NPDC1: variants seen among roughly 807,000 people sequenced by gnomAD.
NPDC1 encodes the protein neural proliferation differentiation and control protein 1.
In NPDC1, 18 loss-of-function variants were observed where a neutral mutation model predicts 32.5. That is an observed-to-expected ratio of 0.55 (90% CI 0.38 to 0.82). The LOEUF (loss-of-function observed/expected upper bound fraction) is 0.82, where lower values mean the gene tolerates loss of function less well. Ranked by LOEUF, NPDC1 falls within the 40% of genes least tolerant of loss-of-function variation. The pLI, the probability that NPDC1 is intolerant of heterozygous loss-of-function variation, is 0.00. For synonymous variants in NPDC1, 210 were observed against 184.7 expected, an observed-to-expected ratio of 1.14 and a Z score of -1.11; for missense variants, 468 against 406.6, an observed-to-expected ratio of 1.15 and a Z score of -1.30.
chr9:137,041,246 C>CG, intron 2 of NPDC1, 59 bp from the exon 3 acceptor site: 1 of 1,340,346 alleles, frequency 7.5e-7, no homozygotes, highest in African/African-American at 1.5e-5. Flanking sequence ...GCCCCAGGCC[C>CG]GGCCTCCCCG....
chr9:137,045,458 C>T (rs1407518959), intron 1 of NPDC1, among the ~76,000 whole-genome samples: 3 of 152,216 alleles, frequency 2.0e-5, no homozygotes, highest in South Asian at 2.1e-4. Context: ...GGGACGCGCA[C>T]CGGCAGCGAA....
In NPDC1 at chr9:137,040,547, C is replaced by G. The variant is rs756139256; in HGVS notation, c.675G>C (p.Lys225Asn). 1 of 1,588,626 alleles carries G rather than the reference C, an allele frequency of 6.3e-7. No individual in the cohort carries two copies. The highest frequency in any genetic ancestry group is 8.5e-7 in the Non-Finnish European group (1 of 1,173,292). Reference protein sequence around the residue: ...LTQKADYATAKAPGSPAAPRI... With the variant: ...LTQKADYATANAPGSPAAPRI... ...GGGGAGCTGCAGGTGAGCCAGGGGC[C>G]TTCGCAGTGGCGTAGTCGGCCTTCT... The change falls in exon 6 of 9, where the codon AAG (lysine) becomes AAC (asparagine). Residue 225 changes from lysine (K) to asparagine (N), a missense_variant. Physicochemically the swap from Lys to Asn is moderately conservative, Grantham distance 94. Transcript: ENST00000371601.
chr9:137,042,903 C>T (rs1383628851), intron 2 of NPDC1, 24 bp downstream of exon 2: 22 of 1,572,658 alleles, frequency 1.4e-5, no homozygotes, highest in East Asian at 2.3e-5. Context: ...ATCCCCCCAT[C>T]GACTTCCCCC....
Position 137,043,023 on chromosome 9 carries a change from T to C in NPDC1, c.163A>G (p.Arg55Gly). ...SLDCALKRRA[R>G]CPPGAHACGP... Reference sequence around the variant, plus strand: ...CAGGCATGTGCACCAGGAGGACACCTTGCCCGCCTCTTCAGGGCACAGTCC... The same window carrying C: ...CAGGCATGTGCACCAGGAGGACACCCTGCCCGCCTCTTCAGGGCACAGTCC... Residue 55 changes from arginine (R) to glycine (G), a missense_variant, in exon 2 of 9, where the codon AGG becomes GGG. By Grantham distance (125) the Arg-to-Gly change is moderately radical. Coordinates refer to ENST00000371601, the MANE Select transcript of NPDC1 (RefSeq NM_015392.4). 1.2e-6 allele frequency: 2 copies of C among 1,612,674 alleles called. No homozygotes were observed. Among genetic ancestry groups the C allele is most frequent in the Non-Finnish European group, 1.7e-6 (2 of 1,179,900 alleles).
intron 1 of NPDC1, chr9:137,043,732 G>A (rs974995055): frequency 1.4e-5 from 4 of 283,062 alleles, no homozygotes; most frequent in Non-Finnish European, 2.7e-5. Context: ...TGGCACCCGA[G>A]GGCCTCAGGA....
chr9:137,043,542 A>T (rs113531841), intron 1 of NPDC1: 79 of 600,566 alleles, frequency 1.3e-4, no homozygotes, highest in African/African-American at 1.1e-3. Context: ...GGCTCTCCCC[A>T]GAACCCGGCA....
chr9:137,042,808 TG>T, intron 2 of NPDC1, 118 bp downstream of exon 2: 1 of 1,264,324 alleles, frequency 7.9e-7, no homozygotes, highest in Non-Finnish European at 1.1e-6. Context: ...TCCAACAGCC[TG>T]GGCCTCCCAC....
At chr9:137,045,355 C>T (rs1196535155) in intron 1 of NPDC1, among the ~76,000 whole-genome samples, 1 of 152,270 alleles carries the variant, frequency 6.6e-6, no homozygotes. Context: ...TAAGTGCCCC[C>T]AGAACTTCAG....
At position 137,040,751 on chromosome 9, in the gene NPDC1, C is replaced by G; in HGVS notation, c.557-14G>C. 6.3e-7 allele frequency: 1 copy of G among 1,586,406 alleles called. No homozygotes were observed. Among genetic ancestry groups the G allele is most frequent in the Non-Finnish European group, 8.5e-7 (1 of 1,171,990 alleles). On this transcript the variant is annotated splice_polypyrimidine_tract_variant and intron_variant, in intron 4 of 8. Coordinates refer to ENST00000371601, the MANE Select transcript of NPDC1 (RefSeq NM_015392.4). ...CCAGGATCAGCACTGCAGGAGGGGG[C>G]GTGTGAGGGCGGCCTTCTGCAGGGC...
Position 137,040,742 on chromosome 9 carries a change from A to G in NPDC1, c.557-5T>C, listed in dbSNP as rs1452375145. 2 of 1,588,468 alleles carry G rather than the reference A, an allele frequency of 1.3e-6. No homozygotes were observed. The highest frequency in any genetic ancestry group is 2.3e-5 in the East Asian group (1 of 44,190). ...CACAGAACGCCAGGATCAGCACTGC[A>G]GGAGGGGGCGTGTGAGGGCGGCCTT... On this transcript the variant is annotated splice_region_variant and splice_polypyrimidine_tract_variant and intron_variant, in intron 4 of 8. Transcript: ENST00000371601.
In NPDC1 at chr9:137,039,972, G is replaced by C. The variant is rs752158133; in HGVS notation, c.884C>G (p.Pro295Arg). Residue 295 changes from proline (P) to arginine (R), a missense_variant and splice_region_variant, in exon 8 of 9, where the codon CCG becomes CGG. Coordinates refer to ENST00000371601, the MANE Select transcript of NPDC1 (RefSeq NM_015392.4). ...CTCCCTGCACCCTGAGGCACTCACC[G>C]GGGCCAGGCCCGGGCACTCGTACAC... ...FTVYECPGLA[P>R]TGEMEVRNPL... 1.3e-6 allele frequency: 1 copy of C among 778,964 alleles called. No homozygotes were observed. The highest frequency in any genetic ancestry group is 1.7e-5 in the African/African-American group (1 of 59,108). The allele number at this position is 778,964 out of a possible 1,614,324, so 48.3% of individuals were successfully genotyped here.
intron 7 of NPDC1, 144 bp from the exon 8 acceptor site, chr9:137,040,211 G>A (rs931851552): frequency 5.1e-6 from 4 of 788,472 alleles, no homozygotes; most frequent in Admixed American, 2.1e-5. Context: ...AGGTGAGGGT[G>A]CAGGGCGGCG....
At chr9:137,042,455 C>T (rs1282117732) in intron 2 of NPDC1, among the ~76,000 whole-genome samples, 1 of 151,780 alleles carries the variant, frequency 6.6e-6, no homozygotes, top group Non-Finnish European at 1.5e-5. Context: ...GATGGGGTTT[C>T]ACCGTGTTAG....
rs1005544750 is a variant in NPDC1 at position 137,039,620 on chromosome 9, G to A, written c.*152C>T. ...GGTGTCCTGGCACAAAGGTTCGGGGGTCTCCCTGGCAAGGGGTCCCAGGGC... is the reference window on the plus strand; with the variant it reads ...GGTGTCCTGGCACAAAGGTTCGGGGATCTCCCTGGCAAGGGGTCCCAGGGC... On this transcript the variant is annotated 3_prime_UTR_variant, in exon 9 of 9. Coordinates refer to ENST00000371601, the MANE Select transcript of NPDC1 (RefSeq NM_015392.4). The A allele has an allele frequency of 1.7e-6, 1 of 591,574 alleles. No homozygotes were observed. The highest frequency in any genetic ancestry group is 2.8e-5 in the East Asian group (1 of 35,412). The allele number at this position is 591,574 out of a possible 1,614,324, so 36.6% of individuals were successfully genotyped here. A position where few individuals can be genotyped will look rare whatever the true frequency, so the allele number is the denominator to read the frequency against.
chr9:137,043,366 G>A lies in NPDC1; in HGVS notation c.113-293C>T, dbSNP rs1588549292. The A allele has an allele frequency of 5.6e-6, 4 of 715,598 alleles. No homozygotes were observed. The Admixed American group carries it at 8.0e-5, about 14-fold the overall frequency. 44.3% of individuals were successfully genotyped at this position (715,598 alleles called of 1,614,324 possible). On this transcript the variant is annotated intron_variant, in intron 1 of 8. Transcript: ENST00000371601. ...AGTCTCGCCGTCCAGGCAGTGCTGAGTTCTCCTGGGCAGGGCCGTGCAGCC... is the reference window on the plus strand; with the variant it reads ...AGTCTCGCCGTCCAGGCAGTGCTGAATTCTCCTGGGCAGGGCCGTGCAGCC...
In NPDC1 at chr9:137,045,879, C is replaced by G; in HGVS notation, c.111G>C (p.Pro37=). The change falls in exon 1 of 9, where the codon CCG becomes CCC. Residue 37 remains proline (P), a splice_region_variant and synonymous_variant. Transcript: ENST00000371601. ...AALRGAAAGH[P]DVAACPGSLD... ...CCTGCGCCCAGCGCGCTCGCTCACC[C>G]GGGTGGCCGGCGGCGGCTCCACGCA... 2.8e-6 allele frequency: 3 copies of G among 1,075,570 alleles called. No homozygotes were observed. Among genetic ancestry groups the G allele is most frequent in the Non-Finnish European group, 3.4e-6 (3 of 889,318 alleles). The allele number at this position is 1,075,570 out of a possible 1,614,324, so 66.6% of individuals were successfully genotyped here. A position where few individuals can be genotyped will look rare whatever the true frequency, so the allele number is the denominator to read the frequency against.
At position 137,040,968 on chromosome 9, in the gene NPDC1, C is replaced by G. The variant is rs375208915; in HGVS notation, c.402G>C (p.Ser134=). 6.5e-7 allele frequency: 1 copy of G among 1,543,146 alleles called. No individual in the cohort carries two copies. The highest frequency in any genetic ancestry group is 8.7e-7 in the Non-Finnish European group (1 of 1,147,656). ...RLPEPATLGF[S]ARGQGLELGL... ...CCAGCTCCAGCCCCTGCCCCCGTGC[C>G]GAGAAGCCCAGGGTGGCTGCGAGAG... is the stretch of plus-strand genomic sequence containing the variant. The change falls in exon 4 of 9, where the codon TCG becomes TCC. Residue 134 remains serine, a synonymous_variant. Transcript: ENST00000371601.
At chr9:137,045,788 A>T (rs1463225752) in intron 1 of NPDC1, 90 bp downstream of exon 1, 1 of 849,886 alleles carries the variant, frequency 1.2e-6, no homozygotes, top group Non-Finnish European at 1.4e-6. Context: ...CCTGGGCAGG[A>T]CGAGGGCGGC....
chr9:137,040,256 C>G (rs1023751984), intron 7 of NPDC1, 101 bp downstream of exon 7: 1 of 1,095,402 alleles, frequency 9.1e-7, no homozygotes, highest in African/African-American at 1.7e-5. Flanking sequence ...GTGAGGGTGG[C>G]AGGGCCTGGG....
Sources: allele counts gnomAD v4.1 joint callset (sites outside exome capture counted in the v4.1 genomes callset), GRCh38; gene constraint gnomAD v4.1.1; transcripts MANE v1.5; gene names NCBI Gene and HGNC (gene_info 2026-07-23, HGNC 2026-07-21).